Variants in KCNQ1OT1 observed in about 807,000 individuals in gnomAD.
KCNQ1OT1 encodes the protein KCNQ1 opposite strand/antisense transcript 1.
Position 2,670,352 on chromosome 11 carries a change from G to T in KCNQ1OT1, n.29643C>A. ...CAGAGTTCAGACTCAGTGGCTTTCA[G>T]ATGGTTAGTATAGGCTGAAATTCCA... On this transcript the variant is annotated non_coding_transcript_exon_variant, in exon 1 of 1. Transcript: ENST00000597346. The surrounding 1 kb of genome is among the most constrained non-coding windows in gnomAD (Gnocchi z 4.9). 1 of 398,562 alleles carries T rather than the reference G, an allele frequency of 2.5e-6. No individual in the cohort carries two copies. The highest frequency in any genetic ancestry group is 4.4e-6 in the Non-Finnish European group (1 of 226,062). 24.7% of individuals were successfully genotyped at this position (398,562 alleles called of 1,614,324 possible).
Position 2,676,942 on chromosome 11 carries a change from G to A in KCNQ1OT1, n.23053C>T. 5.0e-6 allele frequency: 2 copies of A among 398,618 alleles called. No individual in the cohort carries two copies. The highest frequency in any genetic ancestry group is 8.8e-6 in the Non-Finnish European group (2 of 226,048). 24.7% of individuals were successfully genotyped at this position (398,618 alleles called of 1,614,324 possible). On this transcript the variant is annotated non_coding_transcript_exon_variant, in exon 1 of 1. Coordinates refer to ENST00000597346, the Ensembl canonical transcript of KCNQ1OT1. The surrounding 1 kb of genome is among the most constrained non-coding windows in gnomAD (Gnocchi z 4.2). The stretch of plus-strand genomic sequence containing the variant: ...AAGACACTGGTATGTTCTGGAGATG[G>A]ATCTGTATTAAGACATCTAGCAAAT...
rs1392880101 is a variant in KCNQ1OT1 at position 2,652,978 on chromosome 11, T to C, written n.47017A>G. 3 of 398,572 alleles carry C rather than the reference T, an allele frequency of 7.5e-6. No homozygotes were observed. Among genetic ancestry groups the C allele is most frequent in the Non-Finnish European group, 1.3e-5 (3 of 226,084 alleles). 24.7% of individuals were successfully genotyped at this position (398,572 alleles called of 1,614,324 possible). A position where few individuals can be genotyped will look rare whatever the true frequency, so the allele number is the denominator to read the frequency against. On this transcript the variant is annotated non_coding_transcript_exon_variant, in exon 1 of 1. Transcript: ENST00000597346. The surrounding 1 kb of genome is among the most constrained non-coding windows in gnomAD (Gnocchi z 5.9). The stretch of plus-strand genomic sequence containing the variant: ...CAGGATTCCGGAAGTCATCTTTGAC[T>C]GTGTCACATCACTGTCATGCTTGAG...
exon 1 of KCNQ1OT1, chr11:2,637,512 C>A (rs1159676080): frequency 6.6e-6 from 1 of 152,212 alleles, no homozygotes; most frequent in African/African-American, 2.4e-5. Context: ...GTTTCTTAAT[C>A]CTGAGTTCTA....
At chr11:2,618,904 T>G in exon 1 of KCNQ1OT1, 1 of 398,324 alleles carries the variant, frequency 2.5e-6, no homozygotes, top group East Asian at 3.6e-5. Flanking sequence ...TCTTTTTGGC[T>G]AAATTTATTC....
At position 2,640,471 on chromosome 11, in the gene KCNQ1OT1, A is replaced by G. The variant is rs1425060435; in HGVS notation, n.59524T>C. 1.0e-5 allele frequency: 4 copies of G among 398,312 alleles called. No individual in the cohort carries two copies. In the East Asian group the frequency reaches 1.4e-4, roughly 14 times the overall value. 24.7% of individuals were successfully genotyped at this position (398,312 alleles called of 1,614,324 possible). A position where few individuals can be genotyped will look rare whatever the true frequency, so the allele number is the denominator to read the frequency against. ...TGGATAACTTCTTAATTTTTTGTAGAGACAGGGTCGTGCATTGTTGCCCAG... is the reference window on the plus strand; with the variant it reads ...TGGATAACTTCTTAATTTTTTGTAGGGACAGGGTCGTGCATTGTTGCCCAG... On this transcript the variant is annotated non_coding_transcript_exon_variant, in exon 1 of 1. Transcript: ENST00000597346.
At chr11:2,696,211 A>AT (rs1463638601) in exon 1 of KCNQ1OT1, 2 of 398,408 alleles carry the variant, frequency 5.0e-6, no homozygotes, top group Admixed American at 4.4e-5. Context: ...GAGATTATTC[A>AT]TTTTTTCTCC....
Position 2,621,008 on chromosome 11 carries a change from T to G in KCNQ1OT1, n.78987A>C. On this transcript the variant is annotated non_coding_transcript_exon_variant, in exon 1 of 1. Transcript: ENST00000597346. The surrounding 1 kb of genome is among the most constrained non-coding windows in gnomAD (Gnocchi z 5.7). Reference sequence around the variant, plus strand: ...TTGTTTGTTTTTTGAGAAAGAGTCTTGCTCTGTCTCCCAGGCTGGAGTGCA... The same window carrying G: ...TTGTTTGTTTTTTGAGAAAGAGTCTGGCTCTGTCTCCCAGGCTGGAGTGCA... 2.5e-6 allele frequency: 1 copy of G among 397,304 alleles called. No homozygotes were observed. The allele number at this position is 397,304 out of a possible 1,614,324, so 24.6% of individuals were successfully genotyped here.
chr11:2,698,035 A>G lies in KCNQ1OT1; in HGVS notation n.1960T>C. The stretch of plus-strand genomic sequence containing the variant: ...CAGGTGCAGAAATGGATCATTTGAG[A>G]CACCATAGAAATCTGGTTAATCCTG... On this transcript the variant is annotated non_coding_transcript_exon_variant, in exon 1 of 1. Coordinates refer to ENST00000597346, the Ensembl canonical transcript of KCNQ1OT1. This position sits in a 1 kb window ranked among gnomAD's most constrained non-coding sequence, Gnocchi z 5.1. The G allele has an allele frequency of 2.5e-6, 1 of 398,648 alleles. No individual in the cohort carries two copies. Among genetic ancestry groups the G allele is most frequent in the Non-Finnish European group, 4.4e-6 (1 of 226,064 alleles). The allele number at this position is 398,648 out of a possible 1,614,324, so 24.7% of individuals were successfully genotyped here. A position where few individuals can be genotyped will look rare whatever the true frequency, so the allele number is the denominator to read the frequency against.
At position 2,663,432 on chromosome 11, in the gene KCNQ1OT1, G is replaced by A. The variant is rs2073957; in HGVS notation, n.36563C>T. ...TGGCCAAGGCCTGTACCAAGTCCTG[G>A]ATATGATGGACCTCCAAAGTGATCA... On this transcript the variant is annotated non_coding_transcript_exon_variant, in exon 1 of 1. Coordinates refer to ENST00000597346, the Ensembl canonical transcript of KCNQ1OT1. The surrounding 1 kb of genome is among the most constrained non-coding windows in gnomAD (Gnocchi z 5.2). 1,067 of 398,804 alleles carry A rather than the reference G, an allele frequency of 2.7e-3. 28 individuals are homozygous for A. In the East Asian group the frequency reaches 0.038, roughly 14 times the overall value. 24.7% of individuals were successfully genotyped at this position (398,804 alleles called of 1,614,324 possible).
In KCNQ1OT1 at chr11:2,673,741, G is replaced by T; in HGVS notation, n.26254C>A. Reference sequence around the variant, plus strand: ...CTTGGAAGGCCCAGACTGGACAGGGGAAGGGGTACAGTCCCTTCTTGCTGG... The same window carrying T: ...CTTGGAAGGCCCAGACTGGACAGGGTAAGGGGTACAGTCCCTTCTTGCTGG... On this transcript the variant is annotated non_coding_transcript_exon_variant, in exon 1 of 1. Coordinates refer to ENST00000597346, the Ensembl canonical transcript of KCNQ1OT1. The surrounding 1 kb of genome is among the most constrained non-coding windows in gnomAD (Gnocchi z 4.5). 1 of 398,606 alleles carries T rather than the reference G, an allele frequency of 2.5e-6. No homozygotes were observed. Among genetic ancestry groups the T allele is most frequent in the Non-Finnish European group, 4.4e-6 (1 of 226,152 alleles). 24.7% of individuals were successfully genotyped at this position (398,606 alleles called of 1,614,324 possible).
At position 2,657,708 on chromosome 11, in the gene KCNQ1OT1, G is replaced by A. The variant is rs948111123; in HGVS notation, n.42287C>T. On this transcript the variant is annotated non_coding_transcript_exon_variant, in exon 1 of 1. Coordinates refer to ENST00000597346, the Ensembl canonical transcript of KCNQ1OT1. This position sits in a 1 kb window ranked among gnomAD's most constrained non-coding sequence, Gnocchi z 4.8. ...CTGTTCCAAGATCCCATCTAGGATC[G>A]ATCATTACATTTATTGTCATCTCTG... 7.5e-6 allele frequency: 3 copies of A among 398,490 alleles called. No individual in the cohort carries two copies. The highest frequency in any genetic ancestry group is 1.3e-5 in the Non-Finnish European group (3 of 226,040). 24.7% of individuals were successfully genotyped at this position (398,490 alleles called of 1,614,324 possible).
Position 2,653,126 on chromosome 11 carries a change from C to A in KCNQ1OT1, n.46869G>T. The A allele has an allele frequency of 2.5e-6, 1 of 398,744 alleles. No individual in the cohort carries two copies. Among genetic ancestry groups the A allele is most frequent in the Non-Finnish European group, 4.4e-6 (1 of 226,136 alleles). The allele number at this position is 398,744 out of a possible 1,614,324, so 24.7% of individuals were successfully genotyped here. On this transcript the variant is annotated non_coding_transcript_exon_variant, in exon 1 of 1. Transcript: ENST00000597346. The surrounding 1 kb of genome is among the most constrained non-coding windows in gnomAD (Gnocchi z 5.3). Reference sequence around the variant, plus strand: ...CACTGAAGGTTTGGGGAGATGAGGACTTGCATCACAGCAGTAGAAAGCCAA... The same window carrying A: ...CACTGAAGGTTTGGGGAGATGAGGAATTGCATCACAGCAGTAGAAAGCCAA...
rs1850433802 is a variant in KCNQ1OT1 at position 2,683,503 on chromosome 11, G to C, written n.16492C>G. The stretch of plus-strand genomic sequence containing the variant: ...TCCTATTAAAACATAACTTGTTAAA[G>C]CATAGAGCTTAGTTCAGAGTAAACA... On this transcript the variant is annotated non_coding_transcript_exon_variant, in exon 1 of 1. Coordinates refer to ENST00000597346, the Ensembl canonical transcript of KCNQ1OT1. The surrounding 1 kb of genome is among the most constrained non-coding windows in gnomAD (Gnocchi z 4.7). 1 of 398,498 alleles carries C rather than the reference G, an allele frequency of 2.5e-6. No homozygotes were observed. The highest frequency in any genetic ancestry group is 4.4e-5 in the Admixed American group (1 of 22,718). 24.7% of individuals were successfully genotyped at this position (398,498 alleles called of 1,614,324 possible). A position where few individuals can be genotyped will look rare whatever the true frequency, so the allele number is the denominator to read the frequency against.
At chr11:2,641,520 G>A (rs1480833800) in exon 1 of KCNQ1OT1, 1 of 398,120 alleles carries the variant, frequency 2.5e-6, no homozygotes, top group Non-Finnish European at 4.4e-6. Flanking sequence ...GGAGTTCCTA[G>A]TATATTCTGG....
At position 2,674,787 on chromosome 11, in the gene KCNQ1OT1, A is replaced by T; in HGVS notation, n.25208T>A. 1 of 395,736 alleles carries T rather than the reference A, an allele frequency of 2.5e-6. No individual in the cohort carries two copies. Among genetic ancestry groups the T allele is most frequent in the Admixed American group, 4.5e-5 (1 of 22,322 alleles). 24.5% of individuals were successfully genotyped at this position (395,736 alleles called of 1,614,324 possible). A position where few individuals can be genotyped will look rare whatever the true frequency, so the allele number is the denominator to read the frequency against. ...GACCAGCTTCCTGGAAACTCTCGCC[A>T]ACTGCTGGCCTTTGGAAAGGCTTGT... On this transcript the variant is annotated non_coding_transcript_exon_variant, in exon 1 of 1. Transcript: ENST00000597346. The surrounding 1 kb of genome is among the most constrained non-coding windows in gnomAD (Gnocchi z 5.9).
exon 1 of KCNQ1OT1, chr11:2,639,480 CA>C (rs1256993382): frequency 6.6e-6 from 1 of 152,338 alleles, no homozygotes; most frequent in African/African-American, 2.4e-5. Flanking sequence ...AGGTCCACTC[CA>C]GACCCTGTTT....
In KCNQ1OT1 at chr11:2,671,922, C is replaced by G. The variant is rs1416520205; in HGVS notation, n.28073G>C. 2.5e-6 allele frequency: 1 copy of G among 398,588 alleles called. No homozygotes were observed. Among genetic ancestry groups the G allele is most frequent in the Non-Finnish European group, 4.4e-6 (1 of 226,128 alleles). The allele number at this position is 398,588 out of a possible 1,614,324, so 24.7% of individuals were successfully genotyped here. ...CAGCCTGTGGGCCCCGCTATGCTTCCTCAGGCAGCTAGTCTCTGTATCTGG... is the reference window on the plus strand; with the variant it reads ...CAGCCTGTGGGCCCCGCTATGCTTCGTCAGGCAGCTAGTCTCTGTATCTGG... On this transcript the variant is annotated non_coding_transcript_exon_variant, in exon 1 of 1. Transcript: ENST00000597346. This position sits in a 1 kb window ranked among gnomAD's most constrained non-coding sequence, Gnocchi z 4.7.
chr11:2,628,083 A>G, exon 1 of KCNQ1OT1: 1 of 398,592 alleles, frequency 2.5e-6, no homozygotes, highest in East Asian at 3.6e-5. Flanking sequence ...GACTACTGTA[A>G]CACTACAATG....
chr11:2,699,175 T>C (rs78911722), exon 1 of KCNQ1OT1: 10 of 398,672 alleles, frequency 2.5e-5, no homozygotes, highest in Middle Eastern at 6.3e-4. Context: ...ATGAGAACTA[T>C]AGACCCGGAA....
Sources: gnomAD v4.1 joint callset for allele counts on GRCh38, gnomAD v4.1.1 for gene constraint, Gnocchi (gnomAD v3.1) non-coding constraint, MANE v1.5 for transcripts, NCBI Gene and HGNC (gene_info 2026-07-23, HGNC 2026-07-21) for gene names.